The following PRDM5 variants were observed in gnomAD, a reference collection of about 807,000 sequenced individuals.
PRDM5 encodes the protein PR domain zinc finger protein 5.
In PRDM5, 56 loss-of-function variants were observed where a neutral mutation model predicts 81.2. The ratio of observed to expected loss-of-function variants is 0.69; its 90% CI spans 0.56 to 0.86. The LOEUF is 0.86. PRDM5 is among the 40% of genes least tolerant of loss of function. The pLI is 0.00. For synonymous variants in PRDM5, 267 were observed against 256.4 expected (o/e 1.04, Z -0.39); for missense variants, 697 against 770.1 (o/e 0.91, Z 1.12).
At chr4:120,685,881 T>C (rs1234772040) in intron 1 of PRDM5, among the ~76,000 whole-genome samples, 1 of 152,106 alleles carries the variant, frequency 6.6e-6, no homozygotes, top group Non-Finnish European at 1.5e-5. Context: ...CTAAATCTCA[T>C]GTTGAATTGT....
intron 14 of PRDM5, among the ~76,000 whole-genome samples, chr4:120,743,956 C>T (rs909935740): frequency 1.6e-4 from 24 of 152,112 alleles, no homozygotes; most frequent in South Asian, 1.3e-3. Context: ...GAACTCTTCA[C>T]CCCAAATCAA....
At chr4:120,876,056 C>T (rs2148560966) in intron 2 of PRDM5, among the ~76,000 whole-genome samples, 1 of 152,222 alleles carries the variant, frequency 6.6e-6, no homozygotes, top group East Asian at 1.9e-4. Flanking sequence ...ATTTCGTCTC[C>T]CAGAAACACT....
At chr4:120,780,601 C>A (rs774126369) in intron 12 of PRDM5, among the ~76,000 whole-genome samples, 3 of 152,004 alleles carry the variant, frequency 2.0e-5, no homozygotes, top group Admixed American at 6.6e-5. Context: ...AAGACACACA[C>A]AAAAAAATCT....
chr4:120,722,082 A>C (rs1358083628), intron 14 of PRDM5, among the ~76,000 whole-genome samples: 1 of 152,176 alleles, frequency 6.6e-6, no homozygotes, highest in Admixed American at 6.5e-5. Context: ...CCGGCTACGC[A>C]GATGTGTATG....
In PRDM5 at chr4:120,710,199, G is replaced by T. The variant is rs1736751344; in HGVS notation, c.1728+110C>A. 9 of 917,160 alleles carry T rather than the reference G, an allele frequency of 9.8e-6. 1 individual carries two copies. The South Asian group carries it at 9.8e-5, about 10-fold the overall frequency. The allele number at this position is 917,160 out of a possible 1,614,324, so 56.8% of individuals were successfully genotyped here. A position where few individuals can be genotyped will look rare whatever the true frequency, so the allele number is the denominator to read the frequency against. The stretch of plus-strand genomic sequence containing the variant: ...CATTAACAGGCATAGGCACATTCCA[G>T]CAATGCAACACACACACACAGACAC... On this transcript the variant is annotated intron_variant, in intron 15 of 15. Coordinates refer to ENST00000264808, the MANE Select transcript of PRDM5 (RefSeq NM_018699.4).
chr4:120,885,536 G>A (rs1237073197), intron 2 of PRDM5: 1 of 152,228 alleles, frequency 6.6e-6, no homozygotes, highest in Non-Finnish European at 1.5e-5. Context: ...GTTCATGCCT[G>A]TAATGCCAGC....
chr4:120,922,087 G>C (rs1386885263), intron 1 of PRDM5, among the ~76,000 whole-genome samples: 1 of 152,232 alleles, frequency 6.6e-6, no homozygotes, highest in Non-Finnish European at 1.5e-5. Context: ...TAAAGGAAAA[G>C]AGGCGACAGC....
intron 3 of PRDM5, among the ~76,000 whole-genome samples, chr4:120,843,699 AAAG>A (rs1156652651): frequency 2.0e-4 from 31 of 151,910 alleles, no homozygotes; most frequent in African/African-American, 7.5e-4. Context: ...AAAAAAAAAA[AAAG>A]AAGAAGAAAA....
At position 120,881,760 on chromosome 4, in the gene PRDM5, A is replaced by G. The variant is rs530303091; in HGVS notation, c.177+25714T>C. On this transcript the variant is annotated intron_variant, in intron 2 of 15. Coordinates refer to ENST00000264808, the MANE Select transcript of PRDM5 (RefSeq NM_018699.4). ...TAATATGACTCACCTAAAGCCAAAAAATAAAAAACCTACTTGCAATTTTTC... is the reference window on the plus strand; with the variant it reads ...TAATATGACTCACCTAAAGCCAAAAGATAAAAAACCTACTTGCAATTTTTC... Among the ~76,000 whole-genome samples the G allele has an allele frequency of 2.6e-5, 4 of 152,312 alleles. No individual in the cohort carries two copies. In the East Asian group the frequency reaches 5.8e-4, roughly 22 times the overall value.
chr4:120,746,353 C>G (rs1483723303), intron 14 of PRDM5, among the ~76,000 whole-genome samples: 130 of 146,570 alleles, frequency 8.9e-4, no homozygotes, highest in Non-Finnish European at 2.1e-4. Context: ...TAGGCATTAC[C>G]ATTCAGGACA....
At chr4:120,838,999 G>A (rs1052508231) in intron 3 of PRDM5, 5 of 546,922 alleles carry the variant, frequency 9.1e-6, no homozygotes, top group African/African-American at 3.8e-5. Flanking sequence ...CTCTCTGCCA[G>A]GCTGCAGCTG....
At chr4:120,905,360 T>G (rs888090049) in intron 2 of PRDM5, among the ~76,000 whole-genome samples, 85 of 152,182 alleles carry the variant, frequency 5.6e-4, no homozygotes, top group African/African-American at 1.9e-3. Context: ...TACCCAATTA[T>G]TTAATCAAAC....
chr4:120,790,837 G>A (rs1027330290), intron 10 of PRDM5, among the ~76,000 whole-genome samples: 16 of 152,100 alleles, frequency 1.1e-4, no homozygotes, highest in South Asian at 4.1e-4. Flanking sequence ...TGCACTACTC[G>A]GGAGGCTGAG....
intron 3 of PRDM5, among the ~76,000 whole-genome samples, chr4:120,847,766 T>C (rs1415818034): frequency 6.6e-6 from 1 of 152,164 alleles, no homozygotes; most frequent in African/African-American, 2.4e-5. Flanking sequence ...TCAAAAGTCA[T>C]ACTCTAATAA....
At chr4:120,781,497 T>C (rs1749031517) in intron 11 of PRDM5, among the ~76,000 whole-genome samples, 194 bp from the exon 12 acceptor site, 1 of 152,202 alleles carries the variant, frequency 6.6e-6, no homozygotes. Context: ...AGTCCTTTCA[T>C]CTTACATCTT....
chr4:120,751,019 T>A (rs1030011003), intron 14 of PRDM5, among the ~76,000 whole-genome samples: 1 of 152,272 alleles, frequency 6.6e-6, no homozygotes, highest in Non-Finnish European at 1.5e-5. Context: ...GAAACTGAAA[T>A]GTGTTATGGC....
chr4:120,824,735 T>C (rs980367685), intron 3 of PRDM5, among the ~76,000 whole-genome samples: 11 of 152,150 alleles, frequency 7.2e-5, no homozygotes, highest in African/African-American at 2.2e-4. Context: ...CATAGCCTAC[T>C]GGCCCAACAA....
In PRDM5 at chr4:120,692,160, C is replaced by T. The variant is rs1041232705; in HGVS notation, c.*2951G>A. On this transcript the variant is annotated 3_prime_UTR_variant, in exon 16 of 16. Transcript: ENST00000264808. Reference sequence around the variant, plus strand: ...AGGAAAAAAATGAATATTTCTAGTACTTATCCTCTTTCCTTTCATGCTTTT... The same window carrying T: ...AGGAAAAAAATGAATATTTCTAGTATTTATCCTCTTTCCTTTCATGCTTTT... 1 of 152,150 alleles carries T rather than the reference C, an allele frequency of 6.6e-6. No homozygotes were observed. Among genetic ancestry groups the T allele is most frequent in the Non-Finnish European group, 1.5e-5 (1 of 67,968 alleles). The allele number at this position is 152,150 out of a possible 1,614,324, so 9.4% of individuals were successfully genotyped here. A position where few individuals can be genotyped will look rare whatever the true frequency, so the allele number is the denominator to read the frequency against.
chr4:120,890,764 T>C (rs1427613698), intron 2 of PRDM5, among the ~76,000 whole-genome samples: 2 of 152,254 alleles, frequency 1.3e-5, no homozygotes, highest in Non-Finnish European at 2.9e-5. Context: ...GCTATGTGTA[T>C]GTCCTCTTTT....
Sources: gnomAD v4.1 joint callset for allele counts (sites outside exome capture counted in the v4.1 genomes callset) on GRCh38, gnomAD v4.1.1 for gene constraint, MANE v1.5 for transcripts, NCBI Gene and HGNC (gene_info 2026-07-23, HGNC 2026-07-21) for gene names.